UMAD1: variants seen among roughly 807,000 people sequenced by gnomAD.
The protein encoded by UMAD1 is UBAP1-MVB12-associated (UMA)-domain containing protein 1.
Under a neutral mutation model 6.1 loss-of-function variants are expected in UMAD1, and 8 were observed. That is an observed-to-expected ratio of 1.30 (90% CI 0.76 to 2.35). UMAD1 has a LOEUF of 2.35. UMAD1 is among the 30% of genes most tolerant of loss of function. The pLI, the probability that UMAD1 is intolerant of heterozygous loss-of-function variation, is 0.00. For missense variants in UMAD1, 130 were observed against 78.4 expected (o/e 1.66, Z -2.49); for synonymous variants, 56 against 31.4 (o/e 1.78, Z -2.61).
chr7:7,659,210 T>C (rs1418570490), intron 1 of UMAD1, among the ~76,000 whole-genome samples: 1 of 152,186 alleles, frequency 6.6e-6, no homozygotes, highest in Non-Finnish European at 1.5e-5. Flanking sequence ...TCTTTATTGG[T>C]CTTGCTAGCA....
chr7:7,796,880 C>A (rs1782695879), intron 2 of UMAD1, among the ~76,000 whole-genome samples: 1 of 152,164 alleles, frequency 6.6e-6, no homozygotes, highest in Non-Finnish European at 1.5e-5. Context: ...AACCCTACCC[C>A]CAAACTCCTC....
chr7:7,697,438 C>G (rs1780348238), intron 2 of UMAD1, among the ~76,000 whole-genome samples: 1 of 152,090 alleles, frequency 6.6e-6, no homozygotes, highest in African/African-American at 2.4e-5. Flanking sequence ...TTTCTTAAAA[C>G]AGGTATCTTA....
intron 2 of UMAD1, among the ~76,000 whole-genome samples, chr7:7,766,088 C>A (rs989485345): frequency 6.6e-6 from 1 of 152,108 alleles, no homozygotes; most frequent in Non-Finnish European, 1.5e-5. Flanking sequence ...GCAGATAGAA[C>A]CGAAATGTAG....
rs59221325 is a variant in UMAD1, at chr7:7,796,244, C to CTTTTTTTTTTTTTTTTTTTTT, written c.83-5422_83-5402dup. 1.1e-3 allele frequency among the ~76,000 whole-genome samples: 70 copies of CTTTTTTTTTTTTTTTTTTTTT among 63,944 alleles called. 11 individuals are homozygous for CTTTTTTTTTTTTTTTTTTTTT. The highest frequency in any genetic ancestry group is 5.5e-3 in the African/African-American group (56 of 10,236). The allele number at this position is 63,944 out of a possible 152,430, so 41.9% of individuals were successfully genotyped here. A position where few individuals can be genotyped will look rare whatever the true frequency, so the allele number is the denominator to read the frequency against. On this transcript the variant is annotated intron_variant, in intron 2 of 3. Transcript: ENST00000682710. Reference sequence around the variant, plus strand: ...ACTTTGACCCATTTCTATTTTCTTTCTTTTTTTTTTTTTTTTTTTTTTTTG... The same window carrying CTTTTTTTTTTTTTTTTTTTTT: ...ACTTTGACCCATTTCTATTTTCTTTCTTTTTTTTTTTTTTTTTTTTTTTTTTTTTTTTTTTTTTTTTTTTTG...
chr7:7,710,468 G>C (rs1780726876), intron 2 of UMAD1, among the ~76,000 whole-genome samples: 1 of 152,170 alleles, frequency 6.6e-6, no homozygotes, highest in African/African-American at 2.4e-5. Context: ...ACATGAATAA[G>C]TGTCATTAGC....
chr7:7,876,094 A>G (rs1425611603), intron 3 of UMAD1, among the ~76,000 whole-genome samples: 2 of 152,212 alleles, frequency 1.3e-5, no homozygotes, highest in Non-Finnish European at 2.9e-5. Flanking sequence ...TAAGTTTTAT[A>G]TAAGTGAGAA....
intron 2 of UMAD1, among the ~76,000 whole-genome samples, chr7:7,726,536 A>G (rs988812187): frequency 1.3e-5 from 2 of 152,190 alleles, no homozygotes; most frequent in African/African-American, 4.8e-5. Context: ...AGTGTCCAAT[A>G]TATGGTACTG....
At chr7:7,852,483 A>G (rs1013951199) in intron 3 of UMAD1, among the ~76,000 whole-genome samples, 1 of 152,180 alleles carries the variant, frequency 6.6e-6, no homozygotes, top group Non-Finnish European at 1.5e-5. Flanking sequence ...CTTCTGACAG[A>G]CCAGCTTTAA....
intron 2 of UMAD1, among the ~76,000 whole-genome samples, chr7:7,698,604 TGATTCCAC>T (rs1780373885): frequency 1.3e-5 from 2 of 152,178 alleles, no homozygotes; most frequent in Non-Finnish European, 2.9e-5. Flanking sequence ...TTTAGGCAGT[TGATTCCAC>T]AGTTTTGACT....
chr7:7,793,395 G>A (rs187044707), intron 2 of UMAD1, among the ~76,000 whole-genome samples: 159 of 152,300 alleles, frequency 1.0e-3, no homozygotes, highest in African/African-American at 3.6e-3. Flanking sequence ...AGTTAATGGT[G>A]TGGCCATTCC....
rs374889982 is a variant in UMAD1 at position 7,789,969 on chromosome 7, C to T, written c.83-11701C>T. Among the ~76,000 whole-genome samples, 39 of 152,222 alleles carry T rather than the reference C, an allele frequency of 2.6e-4. No homozygotes were observed. In the South Asian group the frequency reaches 7.9e-3, roughly 31 times the overall value. On this transcript the variant is annotated intron_variant, in intron 2 of 3. Coordinates refer to ENST00000682710, the MANE Select transcript of UMAD1 (RefSeq NM_001302348.2). Reference sequence around the variant, plus strand: ...CTTTCGGTTCCTTTGGGAACATTTACTTAGTGAGCCCCAATCTTCTTACAG... The same window carrying T: ...CTTTCGGTTCCTTTGGGAACATTTATTTAGTGAGCCCCAATCTTCTTACAG...
intron 1 of UMAD1, among the ~76,000 whole-genome samples, chr7:7,648,317 C>T (rs116547429): frequency 1.0e-3 from 158 of 152,298 alleles, no homozygotes; most frequent in African/African-American, 3.6e-3. Context: ...TCCAGTAAAC[C>T]ATAGACTTTA....
At position 7,871,846 on chromosome 7, in the gene UMAD1, CAAA is replaced by C. The variant is rs3075743; in HGVS notation, c.157-5425_157-5423del. 2.3e-4 allele frequency among the ~76,000 whole-genome samples: 34 copies of C among 145,580 alleles called. No individual in the cohort carries two copies. In the South Asian group the frequency reaches 2.4e-3, roughly 10 times the overall value. ...GTTCTCACAAATAACAGAGAATTGT[CAAA>C]AAAAAAAAAGAGGATTAATAAAAAT... On this transcript the variant is annotated intron_variant, in intron 3 of 3. Coordinates refer to ENST00000682710, the MANE Select transcript of UMAD1 (RefSeq NM_001302348.2).
chr7:7,743,141 A>ACC (rs1781506942), intron 2 of UMAD1, among the ~76,000 whole-genome samples: 1 of 152,220 alleles, frequency 6.6e-6, no homozygotes, highest in African/African-American at 2.4e-5. Flanking sequence ...ATTGGTTTAG[A>ACC]AACAACACAA....
intron 1 of UMAD1, among the ~76,000 whole-genome samples, chr7:7,647,842 C>G (rs1331315298): frequency 6.6e-6 from 1 of 152,192 alleles, no homozygotes; most frequent in Non-Finnish European, 1.5e-5. Context: ...TAGGCTCAAG[C>G]AAGCCTCCCT....
rs113360283 is a variant in UMAD1 at position 7,669,052 on chromosome 7, A to C, written c.-63-4257A>C. ...TAGGGAGAATGGGCCAACTCTACAC[A>C]TATATAGACAGTGGCCCCAGCTGGG... On this transcript the variant is annotated intron_variant, in intron 1 of 3. Transcript: ENST00000682710. Among the ~76,000 whole-genome samples, 10 of 151,464 alleles carry C rather than the reference A, an allele frequency of 6.6e-5. 1 individual carries two copies. The highest frequency in any genetic ancestry group is 2.4e-4 in the African/African-American group (10 of 41,174).
intron 3 of UMAD1, among the ~76,000 whole-genome samples, chr7:7,827,882 A>G (rs1563239797): frequency 6.6e-6 from 1 of 152,216 alleles, no homozygotes; most frequent in Non-Finnish European, 1.5e-5. Context: ...TTGGAAATAT[A>G]TAAATATGTT....
At chr7:7,684,368 A>ATT (rs34916263) in intron 2 of UMAD1, among the ~76,000 whole-genome samples, 7 of 146,074 alleles carry the variant, frequency 4.8e-5, no homozygotes, top group Non-Finnish European at 7.6e-5. Flanking sequence ...TTCCCGGCTA[A>ATT]TTTTTTTTTT....
chr7:7,741,939 G>A lies in UMAD1; in HGVS notation c.83-59731G>A, dbSNP rs574105303. The stretch of plus-strand genomic sequence containing the variant: ...TATTTTTAGCGTAATAAAATCAATC[G>A]TTTTATAGTTATAGTGTTGAAAAAA... On this transcript the variant is annotated intron_variant, in intron 2 of 3. Transcript: ENST00000682710. 52 of 220,502 alleles carry A rather than the reference G, an allele frequency of 2.4e-4. No individual in the cohort carries two copies. The East Asian group carries it at 5.6e-3, about 24-fold the overall frequency. The allele number at this position is 220,502 out of a possible 1,614,324, so 13.7% of individuals were successfully genotyped here. A position where few individuals can be genotyped will look rare whatever the true frequency, so the allele number is the denominator to read the frequency against.
Sources: allele counts gnomAD v4.1 joint callset (sites outside exome capture counted in the v4.1 genomes callset), GRCh38; gene constraint gnomAD v4.1.1; transcripts MANE v1.5; gene names NCBI Gene and HGNC (gene_info 2026-07-23, HGNC 2026-07-21).